The following KATNB1 variants were observed in gnomAD, a reference collection of about 807,000 sequenced individuals.
The protein encoded by KATNB1 is katanin regulatory subunit B1, also known as katanin p80 WD40 repeat-containing subunit B1.
In KATNB1, 38 loss-of-function variants were observed where a neutral mutation model predicts 82.3. The observed-to-expected ratio is 0.46, with a 90% confidence interval of 0.36 to 0.61. KATNB1 has a LOEUF of 0.61. Among genes scored for constraint, KATNB1 ranks in the 20% least tolerant of loss-of-function variants. The probability of loss-of-function intolerance (pLI) is 0.00; values close to 1 mark genes in which losing one functional copy is unlikely to be tolerated. For missense variants in KATNB1, 749 were observed against 915.7 expected (o/e 0.82, Z 2.35); for synonymous variants, 361 against 368.7 (o/e 0.98, Z 0.24).
In KATNB1 at chr16:57,751,854, T is replaced by A. The variant is rs2049230655; in HGVS notation, c.517-86T>A. ...CCTATCCCGAGTGGAAGGTAGCTTG[T>A]GGATAAAGAGCTTGGCCTGGATTAG... On this transcript the variant is annotated intron_variant, in intron 7 of 19. Transcript: ENST00000379661. This position sits in a 1 kb window ranked among gnomAD's most constrained non-coding sequence, Gnocchi z 6.3. 7.1e-7 allele frequency: 1 copy of A among 1,404,104 alleles called. No homozygotes were observed. The allele number at this position is 1,404,104 out of a possible 1,614,324, so 87.0% of individuals were successfully genotyped here. A position where few individuals can be genotyped will look rare whatever the true frequency, so the allele number is the denominator to read the frequency against.
chr16:57,755,085 C>G, intron 14 of KATNB1, 34 bp from the exon 15 acceptor site: 1 of 1,613,040 alleles, frequency 6.2e-7, no homozygotes, highest in Non-Finnish European at 8.5e-7. Context: ...GAGGGAGGCC[C>G]CAGGCCGGCA....
rs782307348 is a variant in KATNB1, at chr16:57,755,085, C to T, written c.1297-34C>T. On this transcript the variant is annotated intron_variant, in intron 14 of 19. Transcript: ENST00000379661. ...GCCTCGGGAGGCAGAGAGGGAGGCC[C>T]CAGGCCGGCAACCGCTGAGTTTCAC... The T allele has an allele frequency of 2.5e-6, 4 of 1,613,040 alleles. No homozygotes were observed. In the South Asian group the frequency reaches 4.4e-5, roughly 18 times the overall value.
intron 4 of KATNB1, among the ~76,000 whole-genome samples, chr16:57,744,729 GTGTGTGTTTGGATGTA>G (rs2049170628): frequency 6.7e-6 from 1 of 150,306 alleles, no homozygotes; most frequent in African/African-American, 2.4e-5. Flanking sequence ...GTGTGTGTGT[GTGTGTGTTTGGATGTA>G]TGTGTGTTTG....
Position 57,755,166 on chromosome 16 carries a change from C to T in KATNB1, c.1344C>T (p.Pro448=), listed in dbSNP as rs138134941. 6.2e-7 allele frequency: 1 copy of T among 1,612,578 alleles called. No individual in the cohort carries two copies. Residue 448 remains proline, a synonymous_variant, in exon 15 of 20, where the codon CCC becomes CCT. Coordinates refer to ENST00000379661, the MANE Select transcript of KATNB1 (RefSeq NM_005886.3). ...RPPVVASTPA[P]KAEPAIIPAT... ...CAGTGGTTGCTTCCACACCTGCACCCAAGGCTGAGCCTGCCATCATCCCTG... is the reference window on the plus strand; with the variant it reads ...CAGTGGTTGCTTCCACACCTGCACCTAAGGCTGAGCCTGCCATCATCCCTG...
intron 4 of KATNB1, among the ~76,000 whole-genome samples, chr16:57,745,063 T>G (rs1206801280): frequency 2.0e-5 from 3 of 152,214 alleles, no homozygotes; most frequent in Admixed American, 2.0e-4. Context: ...AATACCAGTA[T>G]TTCTACAATT....
In KATNB1 at chr16:57,756,348, C is replaced by G. The variant is rs957334461; in HGVS notation, c.1719-8C>G. On this transcript the variant is annotated splice_polypyrimidine_tract_variant and splice_region_variant and intron_variant, in intron 18 of 19. Transcript: ENST00000379661. The stretch of plus-strand genomic sequence containing the variant: ...TCCATCTGTGACTTCATCCATCTCC[C>G]CCTAAAGCTACGTCCAGACGGGCTG... 2 of 1,611,306 alleles carry G rather than the reference C, an allele frequency of 1.2e-6. No homozygotes were observed. Among genetic ancestry groups the G allele is most frequent in the Middle Eastern group, 1.7e-4 (1 of 6,050 alleles).
At chr16:57,755,589 TG>T in intron 16 of KATNB1, 95 bp downstream of exon 16, 1 of 1,493,080 alleles carries the variant, frequency 6.7e-7, no homozygotes, top group Non-Finnish European at 9.1e-7. Flanking sequence ...AGGCCACCCA[TG>T]GGGGACAGTG....
At chr16:57,740,542 C>T (rs557312340) in intron 2 of KATNB1, among the ~76,000 whole-genome samples, 3 of 152,364 alleles carry the variant, frequency 2.0e-5, no homozygotes, top group South Asian at 2.1e-4. Flanking sequence ...GCTGGCCTTC[C>T]GGGTGCCTCG....
At chr16:57,752,631 C>A in intron 9 of KATNB1, 30 bp downstream of exon 9, 1 of 1,550,924 alleles carries the variant, frequency 6.4e-7, no homozygotes, top group Non-Finnish European at 8.7e-7. Context: ...GGCGGCCCAG[C>A]GCTCCTCCCG....
In KATNB1 at chr16:57,737,785, C is replaced by T. The variant is rs141333856; in HGVS notation, c.40+502C>T. On this transcript the variant is annotated intron_variant, in intron 2 of 19. Transcript: ENST00000379661. ...GTAACTGATGGGCACTGTCCACTCC[C>T]ACCATTGCCCTATACAAGTGGATCT... 2.1e-3 allele frequency among the ~76,000 whole-genome samples: 318 copies of T among 152,278 alleles called. 9 individuals are homozygous for T. The South Asian group carries it at 0.038, about 18-fold the overall frequency.
chr16:57,756,366 A>G lies in KATNB1; in HGVS notation c.1729A>G (p.Thr577Ala), dbSNP rs782248648. The change falls in exon 19 of 20, where the codon ACG becomes GCG. Residue 577 changes from threonine (T) to alanine (A), a missense_variant. Around this residue, in one of 3 missense-constraint regions of KATNB1, gnomAD observed 95 missense variants for 131.6 expected, o/e 0.72. Coordinates refer to ENST00000379661, the MANE Select transcript of KATNB1 (RefSeq NM_005886.3). Reference sequence around the variant, plus strand: ...CATCTCCCCCTAAAGCTACGTCCAGACGGGCTGCACCTCCCTGAAGCTGAT... The same window carrying G: ...CATCTCCCCCTAAAGCTACGTCCAGGCGGGCTGCACCTCCCTGAAGCTGAT... ...LQSKYESYVQ[T>A]GCTSLKLILQ... is the part of the protein sequence containing the mutation. 1.9e-5 allele frequency: 30 copies of G among 1,613,828 alleles called. No homozygotes were observed. Among genetic ancestry groups the G allele is most frequent in the Non-Finnish European group, 2.4e-5 (28 of 1,179,952 alleles).
In KATNB1 at chr16:57,751,383, G is replaced by T; in HGVS notation, c.432+81G>T. ...TGTGGTGCCCAGACCCCAGCAGGGG[G>T]TGGAGGGGACGGCTGTCCCACATGG... On this transcript the variant is annotated intron_variant, in intron 6 of 19. Transcript: ENST00000379661. This position sits in a 1 kb window ranked among gnomAD's most constrained non-coding sequence, Gnocchi z 6.3. The T allele has an allele frequency of 2.2e-6, 3 of 1,387,694 alleles. No individual in the cohort carries two copies. The highest frequency in any genetic ancestry group is 1.4e-5 in the African/African-American group (1 of 70,454). 86.0% of individuals were successfully genotyped at this position (1,387,694 alleles called of 1,614,324 possible). A position where few individuals can be genotyped will look rare whatever the true frequency, so the allele number is the denominator to read the frequency against.
chr16:57,755,772 CCACCCT>C lies in KATNB1; in HGVS notation c.1567-59_1567-54del, dbSNP rs781864899. 5 of 1,446,720 alleles carry C rather than the reference CCACCCT, an allele frequency of 3.5e-6. No homozygotes were observed. The East Asian group carries it at 1.2e-4, about 34-fold the overall frequency. The allele number at this position is 1,446,720 out of a possible 1,614,324, so 89.6% of individuals were successfully genotyped here. Reference sequence around the variant, plus strand: ...CACACCCACATTCACGTTCGTACCCCCACCCTCACCCTCACAGGGCCACACTGTCCC... The same window carrying C: ...CACACCCACATTCACGTTCGTACCCCCACCCTCACAGGGCCACACTGTCCC... On this transcript the variant is annotated intron_variant, in intron 16 of 19. Transcript: ENST00000379661.
rs142164901 is a variant in KATNB1, at chr16:57,741,606, G to T, written c.41-81G>T. Reference sequence around the variant, plus strand: ...CCACTGGGCTTCAGGTTCCAAAGCGGGTAGCCGAGCAGGGTCACCCCTCCT... The same window carrying T: ...CCACTGGGCTTCAGGTTCCAAAGCGTGTAGCCGAGCAGGGTCACCCCTCCT... On this transcript the variant is annotated intron_variant, in intron 2 of 19. Coordinates refer to ENST00000379661, the MANE Select transcript of KATNB1 (RefSeq NM_005886.3). 231 of 1,485,926 alleles carry T rather than the reference G, an allele frequency of 1.6e-4. 2 individuals are homozygous for T. In the East Asian group the frequency reaches 5.3e-3, roughly 34 times the overall value. 92.0% of individuals were successfully genotyped at this position (1,485,926 alleles called of 1,614,324 possible). A position where few individuals can be genotyped will look rare whatever the true frequency, so the allele number is the denominator to read the frequency against.
intron 4 of KATNB1, among the ~76,000 whole-genome samples, chr16:57,749,108 G>A (rs552045800): frequency 7.2e-5 from 11 of 152,364 alleles, no homozygotes; most frequent in African/African-American, 2.6e-4. Context: ...CGCCAGACAG[G>A]GCCAGCTGCA....
intron 4 of KATNB1, among the ~76,000 whole-genome samples, chr16:57,749,216 ACT>A (rs2049205921): frequency 3.9e-5 from 6 of 152,254 alleles, no homozygotes; most frequent in Non-Finnish European, 8.8e-5. Flanking sequence ...TGTGAATGGG[ACT>A]AATTAAGACT....
intron 4 of KATNB1, 77 bp downstream of exon 4, chr16:57,744,588 A>G: frequency 8.1e-7 from 1 of 1,236,962 alleles, no homozygotes; most frequent in South Asian, 1.2e-5. Flanking sequence ...TGCTTCCTCC[A>G]GGAAGCCTGC....
Position 57,751,812 on chromosome 16 carries a change from G to T in KATNB1, c.516+88G>T. On this transcript the variant is annotated intron_variant, in intron 7 of 19. Coordinates refer to ENST00000379661, the MANE Select transcript of KATNB1 (RefSeq NM_005886.3). This position sits in a 1 kb window ranked among gnomAD's most constrained non-coding sequence, Gnocchi z 6.3. ...TGAGTCCTCACCTCCCTCCTGATCG[G>T]GCTCACATGTCCCAAGCCTATCCCG... 7.0e-7 allele frequency: 1 copy of T among 1,431,558 alleles called. No individual in the cohort carries two copies. The highest frequency in any genetic ancestry group is 9.8e-7 in the Non-Finnish European group (1 of 1,025,292). The allele number at this position is 1,431,558 out of a possible 1,614,324, so 88.7% of individuals were successfully genotyped here. A position where few individuals can be genotyped will look rare whatever the true frequency, so the allele number is the denominator to read the frequency against.
At chr16:57,753,669 G>GCAAGGCCCAGGGAAC in intron 12 of KATNB1, 150 bp downstream of exon 12, 1 of 1,129,056 alleles carries the variant, frequency 8.9e-7, no homozygotes, top group Non-Finnish European at 1.3e-6. Context: ...ACGTTCCCTG[G>GCAAGGCCCAGGGAAC]GCCTTGCCAG....
Sources: allele counts gnomAD v4.1 joint callset (sites outside exome capture counted in the v4.1 genomes callset), GRCh38; gene constraint gnomAD v4.1.1; regional missense constraint gnomAD v4.1.1; non-coding constraint Gnocchi (gnomAD v3.1); transcripts MANE v1.5; gene names NCBI Gene and HGNC (gene_info 2026-07-23, HGNC 2026-07-21).